AKNA: variants seen among roughly 807,000 people sequenced by gnomAD.
The protein encoded by AKNA is AT-hook transcription factor.
A neutral mutation model predicts 138.8 loss-of-function variants in AKNA; 67 were observed. The observed-to-expected ratio is 0.48, with a 90% CI of 0.40 to 0.59. The LOEUF (loss-of-function observed/expected upper bound fraction) is 0.59. AKNA is among the 20% of genes least tolerant of loss of function. AKNA has a pLI of 0.00. For missense variants in AKNA, 1,813 were observed against 1,880.4 expected, an observed-to-expected ratio of 0.96 and a Z score of 0.66; for synonymous variants, 737 against 754.4, an observed-to-expected ratio of 0.98 and a Z score of 0.38.
Position 114,342,078 on chromosome 9 carries a change from G to A in AKNA, c.3805C>T (p.Leu1269Phe). The A allele has an allele frequency of 6.2e-7, 1 of 1,612,388 alleles. No individual in the cohort carries two copies. The highest frequency in any genetic ancestry group is 1.3e-5 in the African/African-American group (1 of 74,916). Reference sequence around the variant, plus strand: ...ACTTGACCACACAGGGGACACTGAAGGGTATCAGCGGGAGGCGGTCCCAGT... The same window carrying A: ...ACTTGACCACACAGGGGACACTGAAAGGTATCAGCGGGAGGCGGTCCCAGT... Reference protein sequence around the residue: ...DPLGPPPADTLQCPLCGQVGS... With the variant: ...DPLGPPPADTFQCPLCGQVGS... Residue 1269 changes from leucine to phenylalanine, a missense_variant, in exon 20 of 22, where the codon CTT (leucine) becomes TTT (phenylalanine). Coordinates refer to ENST00000374088, the MANE Select transcript of AKNA (RefSeq NM_001317950.2).
At chr9:114,330,972 A>G, downstream of AKNA, 3 of 853,228 alleles carry the variant, frequency 3.5e-6, no homozygotes, top group Non-Finnish European at 3.8e-6. Flanking sequence ...AGAAATAACC[A>G]CTAACATTTT....
intron 21 of AKNA, among the ~76,000 whole-genome samples, chr9:114,338,984 A>G (rs1435735217): frequency 2.6e-5 from 4 of 152,168 alleles, no homozygotes; most frequent in Non-Finnish European, 5.9e-5. Flanking sequence ...GCATCCCCAA[A>G]ACAGCAGCCT....
chr9:114,337,016 C>A lies in AKNA; in HGVS notation c.*38G>T. On this transcript the variant is annotated 3_prime_UTR_variant, in exon 22 of 22. Transcript: ENST00000374088. ...CTCCTGGCCTGGCAGGCCACCTGCC[C>A]ACCCACCCACCCATCTGCCTCTGGG... 6.0e-6 allele frequency: 1 copy of A among 167,222 alleles called. No homozygotes were observed. Among genetic ancestry groups the A allele is most frequent in the Admixed American group, 6.6e-5 (1 of 15,102 alleles). 10.4% of individuals were successfully genotyped at this position (167,222 alleles called of 1,614,324 possible).
upstream of AKNA, among the ~76,000 whole-genome samples, chr9:114,389,616 C>T (rs575767333): frequency 2.6e-4 from 40 of 151,910 alleles, no homozygotes; most frequent in South Asian, 7.5e-3. Context: ...AAGGGTAGAG[C>T]GGGGGAGCCA....
At chr9:114,370,205 C>A (rs1003185136) in intron 4 of AKNA, among the ~76,000 whole-genome samples, 2 of 152,240 alleles carry the variant, frequency 1.3e-5, no homozygotes, top group Non-Finnish European at 2.9e-5. Context: ...CCGCCTCCCC[C>A]TCTTTCAGGC....
intron 1 of AKNA, among the ~76,000 whole-genome samples, chr9:114,387,037 C>T (rs777555442): frequency 1.3e-5 from 2 of 152,162 alleles, no homozygotes; most frequent in African/African-American, 4.8e-5. Context: ...CAAGACCTCA[C>T]AGCCAGGAAG....
chr9:114,386,274 G>C (rs897877555), intron 1 of AKNA, among the ~76,000 whole-genome samples: 13 of 147,104 alleles, frequency 8.8e-5, no homozygotes, highest in Non-Finnish European at 1.8e-4. Context: ...TTTAAACGGT[G>C]GGGGGTAGTA....
chr9:114,345,758 GAT>G, intron 18 of AKNA, 103 bp downstream of exon 18: 3 of 1,062,380 alleles, frequency 2.8e-6, no homozygotes, highest in Non-Finnish European at 4.0e-6. Flanking sequence ...GATAGAAAAT[GAT>G]ATTTGAATGG....
At chr9:114,382,615 C>G (rs1258219623) in intron 1 of AKNA, among the ~76,000 whole-genome samples, 1 of 150,842 alleles carries the variant, frequency 6.6e-6, no homozygotes, top group Non-Finnish European at 1.5e-5. Context: ...AGGTAGCATT[C>G]CTGTACCCAA....
chr9:114,348,814 C>T, intron 15 of AKNA: 1 of 454,762 alleles, frequency 2.2e-6, no homozygotes, highest in South Asian at 1.6e-5. Context: ...AAGCCACCCT[C>T]CAGGCGGATG....
At chr9:114,385,193 T>C (rs1477399644) in intron 1 of AKNA, among the ~76,000 whole-genome samples, 1 of 152,204 alleles carries the variant, frequency 6.6e-6, no homozygotes. Flanking sequence ...TCCTTGCTTC[T>C]CATACCTTCT....
intron 14 of AKNA, among the ~76,000 whole-genome samples, 163 bp downstream of exon 14, chr9:114,355,762 A>C (rs758675412): frequency 6.6e-6 from 1 of 152,156 alleles, no homozygotes; most frequent in East Asian, 1.9e-4. Context: ...TGGTTTCCAG[A>C]GTATTTTTTT....
chr9:114,372,803 G>A (rs571615971), intron 4 of AKNA, among the ~76,000 whole-genome samples: 4 of 152,090 alleles, frequency 2.6e-5, no homozygotes, highest in Admixed American at 6.5e-5. Flanking sequence ...CAACTCCCCC[G>A]TCTCTTCCAA....
At chr9:114,355,626 CG>C (rs1275124952) in intron 14 of AKNA, among the ~76,000 whole-genome samples, 1 of 152,208 alleles carries the variant, frequency 6.6e-6, no homozygotes, top group African/African-American at 2.4e-5. Flanking sequence ...GGACCACCGC[CG>C]TGCACGCTGT....
chr9:114,330,954 G>C, downstream of AKNA: 1 of 1,037,584 alleles, frequency 9.6e-7, no homozygotes, highest in Non-Finnish European at 1.5e-6. Context: ...TGGAGGCTTT[G>C]GGCACAGAGA....
rs192602319 is a variant in AKNA, at chr9:114,349,205, G to A, written c.3222-1305C>T. Reference sequence around the variant, plus strand: ...TAAAAAAAAAGACTTACCAGGCCGGGGGCGTGAGTCAGCCACTTGGGTATC... The same window carrying A: ...TAAAAAAAAAGACTTACCAGGCCGGAGGCGTGAGTCAGCCACTTGGGTATC... On this transcript the variant is annotated intron_variant, in intron 15 of 21. Transcript: ENST00000374088. Among the ~76,000 whole-genome samples the A allele has an allele frequency of 1.0e-3, 156 of 152,310 alleles. 2 individuals carry two copies. Among genetic ancestry groups the A allele is most frequent in the Non-Finnish European group, 1.6e-3 (107 of 68,028 alleles).
intron 19 of AKNA, among the ~76,000 whole-genome samples, chr9:114,343,422 G>A (rs1804442182): frequency 6.6e-6 from 1 of 152,146 alleles, no homozygotes; most frequent in Admixed American, 6.5e-5. Context: ...GGAGGATGGA[G>A]GGGAGAATAA....
intron 2 of AKNA, among the ~76,000 whole-genome samples, chr9:114,379,025 C>T (rs1833445950): frequency 6.6e-6 from 1 of 152,204 alleles, no homozygotes; most frequent in Non-Finnish European, 1.5e-5. Flanking sequence ...CTCTTGCTTA[C>T]AGCAGCATAC....
intron 9 of AKNA, 126 bp from the exon 10 acceptor site, chr9:114,360,188 C>T (rs1831843786): frequency 1.8e-6 from 2 of 1,135,432 alleles, no homozygotes; most frequent in South Asian, 2.7e-5. Flanking sequence ...TCACTAAGCC[C>T]ACCACCCTTT....
Sources: gnomAD v4.1 joint callset for allele counts (sites outside exome capture counted in the v4.1 genomes callset) on GRCh38, gnomAD v4.1.1 for gene constraint, MANE v1.5 for transcripts, NCBI Gene and HGNC (gene_info 2026-07-23, HGNC 2026-07-21) for gene names.